SRBD1: variants seen among roughly 807,000 people sequenced by gnomAD.
SRBD1 encodes S1 RNA-binding domain-containing protein 1.
Under a neutral mutation model 115.3 loss-of-function variants are expected in SRBD1, and 88 were observed. The ratio of observed to expected loss-of-function variants is 0.76; its 90% confidence interval spans 0.64 to 0.91. The LOEUF (loss-of-function observed/expected upper bound fraction) is 0.91. SRBD1 is among the 40% of genes least tolerant of loss of function. The pLI is 0.00. For missense variants in SRBD1, 1,385 were observed against 1,177.4 expected (o/e 1.18, Z -2.58); for synonymous variants, 509 against 407.7 (o/e 1.25, Z -2.99).
chr2:45,552,614 AG>A (rs1672337985), intron 11 of SRBD1, among the ~76,000 whole-genome samples: 1 of 152,212 alleles, frequency 6.6e-6, no homozygotes, highest in Non-Finnish European at 1.5e-5. Context: ...TTTTTCCTTC[AG>A]GAAGAACCAA....
intron 5 of SRBD1, among the ~76,000 whole-genome samples, chr2:45,584,619 C>T (rs1015805651): frequency 3.9e-5 from 6 of 152,140 alleles, no homozygotes; most frequent in African/African-American, 1.4e-4. Context: ...TTTTTGTACA[C>T]TTGAAGAATG....
At chr2:45,478,033 GA>G (rs938814213) in intron 15 of SRBD1, among the ~76,000 whole-genome samples, 13 of 148,252 alleles carry the variant, frequency 8.8e-5, no homozygotes, top group African/African-American at 1.7e-4. Context: ...GATTTAGCTA[GA>G]AAAAAAAGAT....
intron 19 of SRBD1, among the ~76,000 whole-genome samples, chr2:45,395,114 C>G (rs1558549699): frequency 6.6e-6 from 1 of 152,214 alleles, no homozygotes; most frequent in South Asian, 2.1e-4. Flanking sequence ...ATAATGCGTG[C>G]CCTGCTGAGC....
At chr2:45,436,137 C>T (rs1018286592) in intron 16 of SRBD1, among the ~76,000 whole-genome samples, 2 of 151,698 alleles carry the variant, frequency 1.3e-5, no homozygotes, top group African/African-American at 4.8e-5. Flanking sequence ...ATCACATCAA[C>T]AAGCTAAAAA....
At chr2:45,520,704 C>T (rs1671256207) in intron 14 of SRBD1, among the ~76,000 whole-genome samples, 2 of 152,172 alleles carry the variant, frequency 1.3e-5, no homozygotes, top group Non-Finnish European at 1.5e-5. Flanking sequence ...AGCATCTGAA[C>T]ACCAAGATGA....
chr2:45,516,970 G>A (rs185804812), intron 14 of SRBD1, among the ~76,000 whole-genome samples: 15 of 152,232 alleles, frequency 9.9e-5, no homozygotes. Flanking sequence ...TGCACCCATG[G>A]AGCTTACATG....
intron 14 of SRBD1, among the ~76,000 whole-genome samples, chr2:45,530,681 G>A (rs759692500): frequency 7.2e-5 from 11 of 151,978 alleles, no homozygotes; most frequent in Non-Finnish European, 1.3e-4. Context: ...TGAATAGAAA[G>A]GTATAGCACT....
At chr2:45,433,489 G>C (rs1332608114) in intron 16 of SRBD1, among the ~76,000 whole-genome samples, 1 of 152,118 alleles carries the variant, frequency 6.6e-6, no homozygotes, top group African/African-American at 2.4e-5. Context: ...AATGAAGCAA[G>C]TTTACTTCTT....
At chr2:45,502,146 T>G (rs1382306606) in intron 14 of SRBD1, among the ~76,000 whole-genome samples, 1 of 152,186 alleles carries the variant, frequency 6.6e-6, no homozygotes, top group Admixed American at 6.5e-5. Context: ...TTGGCTGTTC[T>G]GCAGCCTCTG....
chr2:45,558,294 G>A (rs1333630367), intron 10 of SRBD1, among the ~76,000 whole-genome samples: 2 of 152,060 alleles, frequency 1.3e-5, no homozygotes, highest in South Asian at 4.1e-4. Context: ...GTGAGATAAT[G>A]TCTCTAAAAA....
intron 19 of SRBD1, among the ~76,000 whole-genome samples, chr2:45,400,528 T>C (rs1224242549): frequency 1.3e-5 from 2 of 152,104 alleles, no homozygotes; most frequent in Admixed American, 1.3e-4. Context: ...TTAATATTCA[T>C]TAACAATGTT....
chr2:45,458,492 G>A (rs1669218737), intron 16 of SRBD1, among the ~76,000 whole-genome samples: 1 of 152,122 alleles, frequency 6.6e-6, no homozygotes, highest in African/African-American at 2.4e-5. Flanking sequence ...AAGCTACCCA[G>A]AAGACTGAAA....
At chr2:45,608,299 T>C (rs745673241) in intron 1 of SRBD1, among the ~76,000 whole-genome samples, 2 of 152,060 alleles carry the variant, frequency 1.3e-5, no homozygotes, top group Non-Finnish European at 2.9e-5. Context: ...AAAATATCAA[T>C]GTAAAAGGAA....
chr2:45,600,047 T>C (rs1674044058), intron 3 of SRBD1, among the ~76,000 whole-genome samples: 1 of 152,170 alleles, frequency 6.6e-6, no homozygotes, highest in Non-Finnish European at 1.5e-5. Context: ...GATTAGAGGT[T>C]GGCAAGGGTC....
intron 16 of SRBD1, among the ~76,000 whole-genome samples, chr2:45,452,880 T>C (rs574468324): frequency 6.6e-6 from 1 of 152,028 alleles, no homozygotes; most frequent in Non-Finnish European, 1.5e-5. Flanking sequence ...TAATGTGGAA[T>C]AAACTGTATA....
At position 45,413,302 on chromosome 2, in the gene SRBD1, A is replaced by C; in HGVS notation, c.2334-9T>G. ...AAGTTTCAGTTTGCTGACTATATAA[A>C]ACCAGAAAAAACCACATTTATGAAA... is the stretch of plus-strand genomic sequence containing the variant. On this transcript the variant is annotated splice_polypyrimidine_tract_variant and intron_variant, in intron 18 of 20. Coordinates refer to ENST00000263736, the MANE Select transcript of SRBD1 (RefSeq NM_018079.5). The C allele has an allele frequency of 6.3e-7, 1 of 1,599,514 alleles. No individual in the cohort carries two copies. The highest frequency in any genetic ancestry group is 8.5e-7 in the Non-Finnish European group (1 of 1,175,474).
chr2:45,393,203 C>T, intron 19 of SRBD1, 74 bp from the exon 20 acceptor site: 1 of 1,426,340 alleles, frequency 7.0e-7, no homozygotes, highest in South Asian at 1.5e-5. Flanking sequence ...ACAGATCACC[C>T]TAAAATTCAT....
intron 9 of SRBD1, among the ~76,000 whole-genome samples, chr2:45,571,461 G>A (rs923264454): frequency 1.6e-5 from 2 of 127,312 alleles, no homozygotes; most frequent in African/African-American, 2.9e-5. Flanking sequence ...GGGGAGGGGA[G>A]AGAATCTGAT....
chr2:45,470,834 A>C (rs1669627469), intron 16 of SRBD1, among the ~76,000 whole-genome samples: 1 of 152,188 alleles, frequency 6.6e-6, no homozygotes, highest in Non-Finnish European at 1.5e-5. Flanking sequence ...TCCAGAAATA[A>C]TGACAGGCAT....
Sources: gnomAD v4.1 joint callset for allele counts (sites outside exome capture counted in the v4.1 genomes callset) on GRCh38, gnomAD v4.1.1 for gene constraint, MANE v1.5 for transcripts, NCBI Gene and HGNC (gene_info 2026-07-23, HGNC 2026-07-21) for gene names.